Variants in RC3H1 observed in about 807,000 individuals in gnomAD.
The protein encoded by RC3H1 is roquin-1.
Under a neutral mutation model 138.2 loss-of-function variants are expected in RC3H1, and 50 were observed. The observed-to-expected ratio is 0.36, with a 90% CI of 0.29 to 0.46. RC3H1 has a LOEUF of 0.46. RC3H1 is among the 20% of genes least tolerant of loss of function. RC3H1 has a pLI of 1.00. For missense variants in RC3H1, 1,031 were observed against 1,388.1 expected (o/e 0.74, Z 4.09); for synonymous variants, 462 against 489.1 (o/e 0.94, Z 0.73).
At chr1:173,940,468 T>C (rs1029133393) in intron 19 of RC3H1, among the ~76,000 whole-genome samples, 2 of 151,642 alleles carry the variant, frequency 1.3e-5, no homozygotes. Context: ...TGAAGCTCCG[T>C]CTCAAAAAAA....
chr1:173,981,111 G>C, intron 5 of RC3H1, 102 bp from the exon 6 acceptor site: 1 of 947,292 alleles, frequency 1.1e-6, no homozygotes, highest in Middle Eastern at 3.4e-4. Context: ...TCAACAGCAA[G>C]ATTAAATGAA....
At chr1:173,987,189 C>G (rs895935748) in intron 2 of RC3H1, among the ~76,000 whole-genome samples, 1 of 152,202 alleles carries the variant, frequency 6.6e-6, no homozygotes, top group African/African-American at 2.4e-5. Flanking sequence ...TCTCCACAAA[C>G]TGTACTTTTT....
In RC3H1 at chr1:174,013,503, G is replaced by A. The variant is rs188217284; in HGVS notation, c.-151+8593C>T. Among the ~76,000 whole-genome samples the A allele has an allele frequency of 5.9e-3, 893 of 151,466 alleles. 9 individuals are homozygous for A. Among genetic ancestry groups the A allele is most frequent in the African/African-American group, 0.021 (849 of 41,408 alleles). ...TGTCGCCAGGCTGGAGTGTAGTGGC[G>A]CGATCTCAGCTCACTGCAACCTCCG... On this transcript the variant is annotated intron_variant, in intron 1 of 19. Coordinates refer to ENST00000367696, the MANE Select transcript of RC3H1 (RefSeq NM_172071.4).
chr1:173,943,314 G>T, intron 18 of RC3H1, 128 bp downstream of exon 18: 1 of 837,750 alleles, frequency 1.2e-6, no homozygotes, highest in Non-Finnish European at 1.8e-6. Flanking sequence ...ACCTGCATGA[G>T]AATTATTTTA....
rs762505290 is a variant in RC3H1, at chr1:173,978,612, A to G, written c.978T>C (p.Thr326=). The G allele has an allele frequency of 1.2e-6, 2 of 1,610,634 alleles. No individual in the cohort carries two copies. Among genetic ancestry groups the G allele is most frequent in the Non-Finnish European group, 1.7e-6 (2 of 1,178,774 alleles). ...GAACACTCTGTGCAAAAGAGGCTGG[A>G]GTCTGCAACTTAAAAAAGATAAATG... ...HMQSIIDKLQ[T]PASFAQSVQE... The change falls in exon 7 of 20, where the codon ACT becomes ACC. Residue 326 remains threonine, a synonymous_variant. Transcript: ENST00000367696.
intron 18 of RC3H1, among the ~76,000 whole-genome samples, chr1:173,942,772 A>G (rs1174907387): frequency 7.3e-5 from 11 of 151,596 alleles, no homozygotes; most frequent in African/African-American, 2.7e-4. Flanking sequence ...AGAGCTTGCA[A>G]TGAGCCGAGA....
intron 13 of RC3H1, among the ~76,000 whole-genome samples, chr1:173,959,304 T>C (rs1398122111): frequency 2.0e-5 from 3 of 152,122 alleles, no homozygotes; most frequent in Non-Finnish European, 4.4e-5. Flanking sequence ...TCTATATTAA[T>C]AATAGAAAAT....
Position 173,938,914 on chromosome 1 carries a change from T to C in RC3H1, c.3252-43A>G, listed in dbSNP as rs201616421. The C allele has an allele frequency of 3.7e-4, 536 of 1,465,066 alleles. 3 individuals are homozygous for C. The African/African-American group carries it at 6.4e-3, about 18-fold the overall frequency. The allele number at this position is 1,465,066 out of a possible 1,614,324, so 90.8% of individuals were successfully genotyped here. A position where few individuals can be genotyped will look rare whatever the true frequency, so the allele number is the denominator to read the frequency against. ...TTTTGAAAAAGGAGAGAGAGAAAAA[T>C]GATTACTACAATAAAATCAACAGGG... is the stretch of plus-strand genomic sequence containing the variant. On this transcript the variant is annotated intron_variant, in intron 19 of 19. Coordinates refer to ENST00000367696, the MANE Select transcript of RC3H1 (RefSeq NM_172071.4).
chr1:173,946,676 AAAAC>A, intron 16 of RC3H1, 66 bp downstream of exon 16: 1 of 1,599,942 alleles, frequency 6.3e-7, no homozygotes, highest in African/African-American at 1.3e-5. Flanking sequence ...ACTGACCAGA[AAAAC>A]AAAAAGAAGT....
At chr1:174,007,027 T>C (rs1224613698) in intron 1 of RC3H1, among the ~76,000 whole-genome samples, 1 of 152,094 alleles carries the variant, frequency 6.6e-6, no homozygotes, top group Non-Finnish European at 1.5e-5. Flanking sequence ...GATTACTCCT[T>C]TATTCTTCCC....
intron 18 of RC3H1, 31 bp downstream of exon 18, chr1:173,943,411 C>T (rs1658993537): frequency 1.3e-6 from 2 of 1,573,558 alleles, no homozygotes; most frequent in Admixed American, 1.8e-5. Context: ...TTCATTTCAC[C>T]TTCCCTCTCT....
intron 1 of RC3H1, among the ~76,000 whole-genome samples, chr1:174,020,851 A>C (rs1006053408): frequency 2.6e-5 from 4 of 152,142 alleles, no homozygotes; most frequent in Non-Finnish European, 5.9e-5. Flanking sequence ...TCTACTAAAA[A>C]TACAAAAATC....
intron 3 of RC3H1, 46 bp downstream of exon 3, chr1:173,984,453 A>T (rs1230643081): frequency 1.9e-6 from 3 of 1,588,724 alleles, no homozygotes; most frequent in African/African-American, 1.4e-5. Context: ...CTGAGTATTT[A>T]AAAAAGCAGT....
At chr1:173,946,200 AC>A (rs1257342268) in intron 17 of RC3H1, among the ~76,000 whole-genome samples, 2 of 151,872 alleles carry the variant, frequency 1.3e-5, no homozygotes, top group African/African-American at 4.8e-5. Context: ...AAACAAACAA[AC>A]AAACAAAAAA....
At chr1:173,984,707 T>C in intron 2 of RC3H1, 88 bp from the exon 3 acceptor site, 1 of 1,346,136 alleles carries the variant, frequency 7.4e-7, no homozygotes, top group Non-Finnish European at 1.0e-6. Flanking sequence ...ATGCTGACAC[T>C]GGTAACATCA....
intron 9 of RC3H1, among the ~76,000 whole-genome samples, chr1:173,968,630 C>A (rs1329571358): frequency 2.6e-5 from 4 of 152,106 alleles, no homozygotes; most frequent in African/African-American, 7.2e-5. Flanking sequence ...CTATGTTATT[C>A]TTTCTTACAT....
At chr1:174,021,906 G>A (rs1661969801) in intron 1 of RC3H1, among the ~76,000 whole-genome samples, 190 bp downstream of exon 1, 3 of 152,236 alleles carry the variant, frequency 2.0e-5, no homozygotes, top group Non-Finnish European at 4.4e-5. Context: ...AAGGACGCCG[G>A]CCACTGACAA....
intron 2 of RC3H1, among the ~76,000 whole-genome samples, chr1:173,991,530 G>A (rs1225992639): frequency 6.6e-6 from 1 of 152,196 alleles, no homozygotes; most frequent in African/African-American, 2.4e-5. Context: ...TAAGAGTGGA[G>A]ATCCTTGACT....
In RC3H1 at chr1:173,937,905, A is replaced by G. The variant is rs1658672584; in HGVS notation, c.*816T>C. ...TGTATTTTCAGTGCTAGTAAGTTAC[A>G]GTTAATTCTTGATCAACATTTAAAT... On this transcript the variant is annotated 3_prime_UTR_variant, in exon 20 of 20. Coordinates refer to ENST00000367696, the MANE Select transcript of RC3H1 (RefSeq NM_172071.4). The G allele has an allele frequency of 1.3e-5, 2 of 152,236 alleles. No individual in the cohort carries two copies. Among genetic ancestry groups the G allele is most frequent in the Admixed American group, 6.5e-5 (1 of 15,284 alleles). 9.4% of individuals were successfully genotyped at this position (152,236 alleles called of 1,614,324 possible). A position where few individuals can be genotyped will look rare whatever the true frequency, so the allele number is the denominator to read the frequency against.
Sources: allele counts gnomAD v4.1 joint callset (sites outside exome capture counted in the v4.1 genomes callset), GRCh38; gene constraint gnomAD v4.1.1; transcripts MANE v1.5; gene names NCBI Gene and HGNC (gene_info 2026-07-23, HGNC 2026-07-21).